NFATC2: variants seen among roughly 807,000 people sequenced by gnomAD.
NFATC2 encodes nuclear factor of activated T-cells, cytoplasmic 2.
A neutral mutation model predicts 87.3 loss-of-function variants in NFATC2; 22 were observed. The ratio of observed to expected loss-of-function variants is 0.25; its 90% confidence interval spans 0.18 to 0.36. The LOEUF (loss-of-function observed/expected upper bound fraction) is 0.36. Among genes scored for constraint, NFATC2 ranks in the 10% least tolerant of loss-of-function variants. The pLI is 1.00. For missense variants in NFATC2, 1,149 were observed against 1,259.1 expected (o/e 0.91, Z 1.32); for synonymous variants, 565 against 542.2 (o/e 1.04, Z -0.58).
chr20:51,430,666 A>T (rs1167046927), intron 9 of NFATC2, among the ~76,000 whole-genome samples: 1 of 152,162 alleles, frequency 6.6e-6, no homozygotes, highest in Non-Finnish European at 1.5e-5. Flanking sequence ...TATGGAGAAT[A>T]CCAGAAGTCA....
At chr20:51,396,405 G>C (rs528438869) in intron 10 of NFATC2, among the ~76,000 whole-genome samples, 1 of 152,226 alleles carries the variant, frequency 6.6e-6, no homozygotes, top group African/African-American at 2.4e-5. Context: ...GGACTTTCAA[G>C]GGTGAATTTC....
intron 3 of NFATC2, among the ~76,000 whole-genome samples, chr20:51,507,385 C>G (rs1188846946): frequency 6.6e-6 from 1 of 152,176 alleles, no homozygotes; most frequent in Non-Finnish European, 1.5e-5. Flanking sequence ...ATAGCCTGGT[C>G]TCAGACGTGG....
chr20:51,560,831 T>C (rs1364735873), intron 1 of NFATC2, among the ~76,000 whole-genome samples: 1 of 152,174 alleles, frequency 6.6e-6, no homozygotes, highest in Admixed American at 6.5e-5. Context: ...TACCCACATT[T>C]TGAAACCTTA....
At position 51,523,422 on chromosome 20, in the gene NFATC2, C is replaced by T; in HGVS notation, c.819G>A (p.Arg273=). 6.2e-7 allele frequency: 1 copy of T among 1,608,482 alleles called. No individual in the cohort carries two copies. The highest frequency in any genetic ancestry group is 8.5e-7 in the Non-Finnish European group (1 of 1,177,294). ...LPPGASPQRS[R]SPSPQPSSHV... is the part of the protein sequence containing the mutation. The stretch of plus-strand genomic sequence containing the variant: ...GAGATGAGGGCTGCGGCGAGGGGCT[C>T]CGGGAGCGCTGGGGTGAGGCTCCGG... Residue 273 remains arginine, a synonymous_variant, in exon 2 of 11, where the codon CGG becomes CGA. Coordinates refer to ENST00000371564, the MANE Select transcript of NFATC2 (RefSeq NM_012340.5). The surrounding 1 kb of genome is among the most constrained non-coding windows in gnomAD (Gnocchi z 6.9).
chr20:51,440,194 C>T (rs1400254957), intron 6 of NFATC2, among the ~76,000 whole-genome samples: 1 of 144,750 alleles, frequency 6.9e-6, no homozygotes, highest in Admixed American at 7.0e-5. Context: ...TGAGAGCATG[C>T]CATTGCACTC....
intron 3 of NFATC2, among the ~76,000 whole-genome samples, chr20:51,509,379 C>T (rs1299543551): frequency 6.6e-6 from 1 of 152,140 alleles, no homozygotes; most frequent in Non-Finnish European, 1.5e-5. Context: ...CTGCCATATT[C>T]CCAGTGCCAA....
Position 51,523,905 on chromosome 20 carries a change from C to A in NFATC2, c.336G>T (p.Arg112=). The change falls in exon 2 of 11, where the codon CGG becomes CGT. Residue 112 remains arginine (R), a synonymous_variant. Coordinates refer to ENST00000371564, the MANE Select transcript of NFATC2 (RefSeq NM_012340.5). This position sits in a 1 kb window ranked among gnomAD's most constrained non-coding sequence, Gnocchi z 6.9. ...GTTCGTGGGACGGAGTGATCTCGAT[C>A]CGAGGGCTCAGGCCCGAGGCCCCTG... ...KPAGASGLSP[R]IEITPSHELI... is the part of the protein sequence containing the mutation. 1 of 1,606,568 alleles carries A rather than the reference C, an allele frequency of 6.2e-7. No individual in the cohort carries two copies.
intron 1 of NFATC2, among the ~76,000 whole-genome samples, chr20:51,561,132 T>A (rs1416977425): frequency 1.2e-5 from 1 of 81,390 alleles, no homozygotes; most frequent in Non-Finnish European, 2.8e-5. Context: ...TATCAGTAAA[T>A]TTTTTTTGCC....
chr20:51,507,022 C>G (rs146930919), intron 3 of NFATC2, among the ~76,000 whole-genome samples: 1,668 of 152,346 alleles, frequency 0.011, 40 homozygotes, highest in African/African-American at 0.039. Flanking sequence ...CCATCTCACT[C>G]TCACATCCAG....
At chr20:51,560,020 A>G (rs1381103408) in intron 1 of NFATC2, among the ~76,000 whole-genome samples, 2 of 152,352 alleles carry the variant, frequency 1.3e-5, no homozygotes, top group Non-Finnish European at 2.9e-5. Context: ...AGTACTTTGG[A>G]AAGTAGAAAG....
At chr20:51,513,943 T>G (rs190921038) in intron 3 of NFATC2, among the ~76,000 whole-genome samples, 19 of 152,366 alleles carry the variant, frequency 1.2e-4, no homozygotes, top group African/African-American at 4.1e-4. Flanking sequence ...AGATCTACTG[T>G]GCTGCAAATA....
chr20:51,460,221 C>G (rs931742542), intron 5 of NFATC2, among the ~76,000 whole-genome samples: 5 of 152,158 alleles, frequency 3.3e-5, no homozygotes, highest in African/African-American at 1.2e-4. Flanking sequence ...ACTATCACTC[C>G]CATCTAGAGA....
At position 51,391,174 on chromosome 20, in the gene NFATC2, G is replaced by C; in HGVS notation, c.*322C>G. 1.5e-6 allele frequency: 1 copy of C among 685,880 alleles called. No individual in the cohort carries two copies. Among genetic ancestry groups the C allele is most frequent in the Non-Finnish European group, 2.7e-6 (1 of 373,942 alleles). 42.5% of individuals were successfully genotyped at this position (685,880 alleles called of 1,614,324 possible). ...ACGGAACACCATTAAGATCAACCAG[G>C]ATGCTCTCTGGGATTTAAAACATAA... On this transcript the variant is annotated 3_prime_UTR_variant, in exon 11 of 11. Coordinates refer to ENST00000371564, the MANE Select transcript of NFATC2 (RefSeq NM_012340.5).
intron 6 of NFATC2, among the ~76,000 whole-genome samples, chr20:51,449,596 T>G (rs943750699): frequency 6.6e-6 from 1 of 152,206 alleles, no homozygotes; most frequent in African/African-American, 2.4e-5. Context: ...GGTAAGCCTG[T>G]GGCTCAGAGC....
upstream of NFATC2, among the ~76,000 whole-genome samples, chr20:51,546,444 C>T (rs552368848): frequency 6.6e-6 from 1 of 152,172 alleles, no homozygotes; most frequent in Admixed American, 6.5e-5. Context: ...AATGCATGAG[C>T]TTTATGCATC....
rs1479056333 is a variant in NFATC2, at chr20:51,513,121, C to T, written c.1332+3663G>A. Among the ~76,000 whole-genome samples, 3 of 152,104 alleles carry T rather than the reference C, an allele frequency of 2.0e-5. No individual in the cohort carries two copies. The East Asian group carries it at 5.8e-4, about 29-fold the overall frequency. Reference sequence around the variant, plus strand: ...TTCAAATGACTTTTTAAAAAGACTCCACTTTTTGTCTTTTAAAGAGACTTG... The same window carrying T: ...TTCAAATGACTTTTTAAAAAGACTCTACTTTTTGTCTTTTAAAGAGACTTG... On this transcript the variant is annotated intron_variant, in intron 3 of 10. Coordinates refer to ENST00000371564, the MANE Select transcript of NFATC2 (RefSeq NM_012340.5).
intron 10 of NFATC2, 22 bp from the exon 11 acceptor site, chr20:51,391,473 G>T (rs781068976): frequency 9.8e-5 from 156 of 1,590,520 alleles, no homozygotes; most frequent in Middle Eastern, 3.9e-4. Flanking sequence ...AAGAGGAGGG[G>T]GGGGGAGAGA....
chr20:51,534,842 G>A (rs1050395969), intron 1 of NFATC2, among the ~76,000 whole-genome samples: 4 of 152,194 alleles, frequency 2.6e-5, no homozygotes, highest in Middle Eastern at 3.4e-3. Flanking sequence ...GACTGTTCTC[G>A]AATGTCCCAT....
intron 9 of NFATC2, among the ~76,000 whole-genome samples, chr20:51,405,416 C>T (rs1178697638): frequency 2.5e-5 from 3 of 117,660 alleles, no homozygotes; most frequent in East Asian, 2.8e-4. Context: ...GGTGTGCAGG[C>T]GCCATGACCT....
Sources: allele counts gnomAD v4.1 joint callset (sites outside exome capture counted in the v4.1 genomes callset), GRCh38; gene constraint gnomAD v4.1.1; non-coding constraint Gnocchi (gnomAD v3.1); transcripts MANE v1.5; gene names NCBI Gene and HGNC (gene_info 2026-07-23, HGNC 2026-07-21).